Variants in ENTPD7 observed in about 807,000 individuals in gnomAD.
ENTPD7 encodes ectonucleoside triphosphate diphosphohydrolase 7, also known as NTPDase 7.
In ENTPD7, 53 loss-of-function variants were observed where a neutral mutation model predicts 77.9. That is an observed-to-expected ratio of 0.68 (90% CI 0.55 to 0.85). The LOEUF (loss-of-function observed/expected upper bound fraction) is 0.85, where lower values mean the gene tolerates loss of function less well. ENTPD7 is among the 40% of genes least tolerant of loss of function. The pLI, the probability that ENTPD7 is intolerant of heterozygous loss-of-function variation, is 0.00. For missense variants in ENTPD7, 636 were observed against 743.7 expected (o/e 0.86, Z 1.68); for synonymous variants, 248 against 274.9 (o/e 0.90, Z 0.97).
chr10:99,689,373 T>C (rs1189782783), intron 7 of ENTPD7, among the ~76,000 whole-genome samples: 1 of 152,142 alleles, frequency 6.6e-6, no homozygotes, highest in Non-Finnish European at 1.5e-5. Context: ...ATTGTTAACC[T>C]TACCACCTCA....
Position 99,709,241 on chromosome 10 carries a change from A to G in ENTPD7, c.*4558A>G, listed in dbSNP as rs1052608910. On this transcript the variant is annotated 3_prime_UTR_variant, in exon 13 of 13. Transcript: ENST00000370489. ...GGCAGTTTCCAGACTCTGTTACAGA[A>G]ACAGAGGGCTGTTTCTTTTTGTTGT... 9.1e-6 allele frequency: 9 copies of G among 985,302 alleles called. No homozygotes were observed. The highest frequency in any genetic ancestry group is 8.4e-6 in the Non-Finnish European group (7 of 829,922). 61.0% of individuals were successfully genotyped at this position (985,302 alleles called of 1,614,324 possible).
chr10:99,710,879 A>C lies in ENTPD7; in HGVS notation c.*6196A>C, dbSNP rs576180531. On this transcript the variant is annotated 3_prime_UTR_variant, in exon 13 of 13. Coordinates refer to ENST00000370489, the MANE Select transcript of ENTPD7 (RefSeq NM_020354.5). ...TCTAGGTTGACTGATTAAGAAAGCC[A>C]TGTGTTTTAATTTCCTTCATGTTTT... The C allele has an allele frequency of 8.1e-6, 8 of 985,368 alleles. No individual in the cohort carries two copies. The Admixed American group carries it at 4.3e-4, about 53-fold the overall frequency. The allele number at this position is 985,368 out of a possible 1,614,324, so 61.0% of individuals were successfully genotyped here.
intron 3 of ENTPD7, among the ~76,000 whole-genome samples, chr10:99,672,816 T>C (rs2035632775): frequency 6.6e-6 from 1 of 152,184 alleles, no homozygotes; most frequent in Non-Finnish European, 1.5e-5. Context: ...TATGATGACA[T>C]TCAGCAAAGA....
rs190216662 is a variant in ENTPD7, at chr10:99,701,434, C to T, written c.1421+376C>T. Among the ~76,000 whole-genome samples the T allele has an allele frequency of 4.0e-4, 60 of 151,846 alleles. 1 individual carries two copies. Among genetic ancestry groups the T allele is most frequent in the Admixed American group, 3.1e-3 (47 of 15,248 alleles). ...CCCCAAGTAGCTGGGACTATAGGCA[C>T]GTGCCACCATGCCTGGCCAATTTTT... is the stretch of plus-strand genomic sequence containing the variant. On this transcript the variant is annotated intron_variant, in intron 11 of 12. Coordinates refer to ENST00000370489, the MANE Select transcript of ENTPD7 (RefSeq NM_020354.5).
intron 3 of ENTPD7, among the ~76,000 whole-genome samples, chr10:99,675,002 A>G (rs781775453): frequency 1.3e-5 from 2 of 152,238 alleles, no homozygotes; most frequent in Admixed American, 1.3e-4. Flanking sequence ...AGTTGTCTAG[A>G]GTAAAAGCAC....
chr10:99,678,336 C>T (rs2035710405), intron 3 of ENTPD7, among the ~76,000 whole-genome samples: 1 of 151,424 alleles, frequency 6.6e-6, no homozygotes, highest in Non-Finnish European at 1.5e-5. Context: ...GGCGTGGTGG[C>T]GGGTGCCTGT....
rs904281127 is a variant in ENTPD7, at chr10:99,709,745, T to A, written c.*5062T>A. 15 of 985,274 alleles carry A rather than the reference T, an allele frequency of 1.5e-5. No individual in the cohort carries two copies. The African/African-American group carries it at 1.7e-4, about 11-fold the overall frequency. The allele number at this position is 985,274 out of a possible 1,614,324, so 61.0% of individuals were successfully genotyped here. On this transcript the variant is annotated 3_prime_UTR_variant, in exon 13 of 13. Coordinates refer to ENST00000370489, the MANE Select transcript of ENTPD7 (RefSeq NM_020354.5). ...ATTTTAAGCCTGCTCTGTCTACTTA[T>A]CTTCCTTATATCCTAATAGACTTCT... is the stretch of plus-strand genomic sequence containing the variant.
intron 8 of ENTPD7, among the ~76,000 whole-genome samples, chr10:99,694,690 C>T (rs539772011): frequency 1.8e-4 from 28 of 152,176 alleles, no homozygotes; most frequent in Admixed American, 1.2e-3. Context: ...GCACCCACCA[C>T]CATGCCTGGC....
At position 99,676,057 on chromosome 10, in the gene ENTPD7, T is replaced by C. The variant is rs577563483; in HGVS notation, c.192-3204T>C. The stretch of plus-strand genomic sequence containing the variant: ...CAAATGCTTCAATTTGTGTGAAAAT[T>C]GAAAATTGAAATTTTTCAGTATTGT... On this transcript the variant is annotated intron_variant, in intron 3 of 12. Coordinates refer to ENST00000370489, the MANE Select transcript of ENTPD7 (RefSeq NM_020354.5). Among the ~76,000 whole-genome samples, 8 of 152,266 alleles carry C rather than the reference T, an allele frequency of 5.3e-5. No individual in the cohort carries two copies. The East Asian group carries it at 9.6e-4, about 18-fold the overall frequency.
Position 99,709,310 on chromosome 10 carries a change from C to T in ENTPD7, c.*4627C>T. On this transcript the variant is annotated 3_prime_UTR_variant, in exon 13 of 13. Coordinates refer to ENST00000370489, the MANE Select transcript of ENTPD7 (RefSeq NM_020354.5). Reference sequence around the variant, plus strand: ...AATTCAAAACTAGTATCTAATTGTCCTTTTTGCTGTGGTATGTGGTGTAAT... The same window carrying T: ...AATTCAAAACTAGTATCTAATTGTCTTTTTTGCTGTGGTATGTGGTGTAAT... 1.0e-6 allele frequency: 1 copy of T among 985,226 alleles called. No individual in the cohort carries two copies. Among genetic ancestry groups the T allele is most frequent in the Non-Finnish European group, 1.2e-6 (1 of 829,872 alleles). The allele number at this position is 985,226 out of a possible 1,614,324, so 61.0% of individuals were successfully genotyped here.
At chr10:99,689,595 C>T (rs904805039) in intron 7 of ENTPD7, among the ~76,000 whole-genome samples, 3 of 152,274 alleles carry the variant, frequency 2.0e-5, no homozygotes, top group Non-Finnish European at 2.9e-5. Context: ...TCATAGAAGG[C>T]GCTGTGTGTT....
At position 99,711,136 on chromosome 10, in the gene ENTPD7, T is replaced by C; in HGVS notation, c.*6453T>C. The stretch of plus-strand genomic sequence containing the variant: ...CCTAAGATAATCATTCACCAGAAGC[T>C]CATAGATATAATACAGTTATATAGC... On this transcript the variant is annotated 3_prime_UTR_variant, in exon 13 of 13. Coordinates refer to ENST00000370489, the MANE Select transcript of ENTPD7 (RefSeq NM_020354.5). 1 of 985,036 alleles carries C rather than the reference T, an allele frequency of 1.0e-6. No homozygotes were observed. The highest frequency in any genetic ancestry group is 1.2e-6 in the Non-Finnish European group (1 of 829,668). 61.0% of individuals were successfully genotyped at this position (985,036 alleles called of 1,614,324 possible). A position where few individuals can be genotyped will look rare whatever the true frequency, so the allele number is the denominator to read the frequency against.
rs531323844 is a variant in ENTPD7, at chr10:99,661,638, C to G, written c.191+10C>G. 6.3e-7 allele frequency: 1 copy of G among 1,588,978 alleles called. No homozygotes were observed. The highest frequency in any genetic ancestry group is 1.8e-5 in the Admixed American group (1 of 54,990). ...ATAGGCAATACGAAAGGTGAGTCAG[C>G]TTTAGATTTTGGCACTCAAGTCATA... On this transcript the variant is annotated intron_variant, in intron 3 of 12. Transcript: ENST00000370489.
chr10:99,671,210 A>T (rs1015373854), intron 3 of ENTPD7, among the ~76,000 whole-genome samples: 6 of 151,784 alleles, frequency 4.0e-5, no homozygotes, highest in Non-Finnish European at 8.8e-5. Flanking sequence ...TTATTTAAAA[A>T]TTTTTTTCTT....
In ENTPD7 at chr10:99,705,890, A is replaced by G. The variant is rs551070124; in HGVS notation, c.*1207A>G. 2.6e-4 allele frequency: 40 copies of G among 152,202 alleles called. No individual in the cohort carries two copies. The highest frequency in any genetic ancestry group is 9.1e-4 in the African/African-American group (38 of 41,540). The allele number at this position is 152,202 out of a possible 1,614,324, so 9.4% of individuals were successfully genotyped here. A position where few individuals can be genotyped will look rare whatever the true frequency, so the allele number is the denominator to read the frequency against. The stretch of plus-strand genomic sequence containing the variant: ...CATAATAATTACATCTTCACCCACT[A>G]CCCTTCCAGAGCTTTGCTTCTCCTC... On this transcript the variant is annotated 3_prime_UTR_variant, in exon 13 of 13. Coordinates refer to ENST00000370489, the MANE Select transcript of ENTPD7 (RefSeq NM_020354.5).
At chr10:99,704,250 G>T (rs1318328250) in intron 12 of ENTPD7, among the ~76,000 whole-genome samples, 1 of 152,126 alleles carries the variant, frequency 6.6e-6, no homozygotes, top group Non-Finnish European at 1.5e-5. Context: ...GTCCCTTCTG[G>T]GGGCCGTGGG....
chr10:99,690,710 T>C (rs1243635437), intron 7 of ENTPD7, among the ~76,000 whole-genome samples: 1 of 151,848 alleles, frequency 6.6e-6, no homozygotes, highest in Non-Finnish European at 1.5e-5. Context: ...GCCCGGCTAA[T>C]TTTTGTGTTT....
At chr10:99,687,262 T>TC (rs34653160) in intron 6 of ENTPD7, among the ~76,000 whole-genome samples, 11 of 83,446 alleles carry the variant, frequency 1.3e-4, no homozygotes, top group East Asian at 3.4e-4. Context: ...TTTCTTTCTT[T>TC]TTTTTTTTTT....
rs1213818638 is a variant in ENTPD7 at position 99,706,935 on chromosome 10, G to A, written c.*2252G>A. ...ATGTTCATGTGCTAAAAATGAACTT[G>A]AAACACGGAAGTAGTGGTTGGTCCA... On this transcript the variant is annotated 3_prime_UTR_variant, in exon 13 of 13. Transcript: ENST00000370489. Among the ~76,000 whole-genome samples the A allele has an allele frequency of 2.6e-5, 4 of 152,160 alleles. No homozygotes were observed. Among genetic ancestry groups the A allele is most frequent in the Non-Finnish European group, 5.9e-5 (4 of 68,026 alleles).
Sources: allele counts gnomAD v4.1 joint callset (sites outside exome capture counted in the v4.1 genomes callset), GRCh38; gene constraint gnomAD v4.1.1; transcripts MANE v1.5; gene names NCBI Gene and HGNC (gene_info 2026-07-23, HGNC 2026-07-21).